The following PCDHGA4 variants were observed in gnomAD, a reference collection of about 807,000 sequenced individuals.
The protein encoded by PCDHGA4 is protocadherin gamma-A4.
PCDHGA4 carries 38 observed loss-of-function variants against 54.6 expected under a neutral mutation model. That is an observed-to-expected ratio of 0.70 (90% CI 0.54 to 0.91). PCDHGA4 has a LOEUF of 0.91. PCDHGA4 is among the 40% of genes least tolerant of loss of function. PCDHGA4 has a pLI of 0.00. For missense variants in PCDHGA4, 1,298 were observed against 1,220.9 expected, an observed-to-expected ratio of 1.06 and a Z score of -0.94; for synonymous variants, 511 against 512.9, an observed-to-expected ratio of 1.00 and a Z score of 0.05.
At chr5:141,398,565 A>C in intron 1 of PCDHGA4, 1 of 1,614,040 alleles carries the variant, frequency 6.2e-7, no homozygotes, top group Non-Finnish European at 8.5e-7. Context: ...GTGAGTCTGC[A>C]CAGCCTGGCA....
chr5:141,434,506 T>C (rs2154556236), intron 1 of PCDHGA4, among the ~76,000 whole-genome samples: 2 of 152,344 alleles, frequency 1.3e-5, no homozygotes, highest in East Asian at 3.9e-4. Context: ...GGCAGAAAAC[T>C]GCTTAAAGGT....
In PCDHGA4 at chr5:141,485,433, A is replaced by G. The variant is rs2099613324; in HGVS notation, c.2515-9374A>G. On this transcript the variant is annotated intron_variant, in intron 1 of 3. Transcript: ENST00000571252. The surrounding 1 kb of genome is among the most constrained non-coding windows in gnomAD (Gnocchi z 5.7). The stretch of plus-strand genomic sequence containing the variant: ...TTGGACAGCGGAGCCCTGCTCATCA[A>G]GAACCCAATCGACCGAGAGGCACTG... 6 of 1,614,208 alleles carry G rather than the reference A, an allele frequency of 3.7e-6. No homozygotes were observed. Among genetic ancestry groups the G allele is most frequent in the Non-Finnish European group, 5.1e-6 (6 of 1,180,030 alleles).
chr5:141,361,411 G>C, intron 1 of PCDHGA4: 2 of 1,613,998 alleles, frequency 1.2e-6, no homozygotes, highest in South Asian at 2.2e-5. Flanking sequence ...CACAGCCACC[G>C]ACGGGGGCAA....
intron 1 of PCDHGA4, among the ~76,000 whole-genome samples, chr5:141,358,630 G>A (rs1355108654): frequency 6.6e-6 from 1 of 152,190 alleles, no homozygotes; most frequent in Non-Finnish European, 1.5e-5. Context: ...GCTAATTTCA[G>A]TCATATATAA....
chr5:141,410,251 C>A (rs2095372140), intron 1 of PCDHGA4: 5 of 1,613,898 alleles, frequency 3.1e-6, no homozygotes, highest in African/African-American at 1.3e-5. Context: ...TACTCTCTGA[C>A]CCCCAGGCTG....
chr5:141,491,895 A>C lies in PCDHGA4; in HGVS notation c.2515-2912A>C. 1.4e-6 allele frequency: 2 copies of C among 1,434,306 alleles called. No individual in the cohort carries two copies. The highest frequency in any genetic ancestry group is 1.8e-6 in the Non-Finnish European group (2 of 1,084,904). 88.8% of individuals were successfully genotyped at this position (1,434,306 alleles called of 1,614,324 possible). Reference sequence around the variant, plus strand: ...CCGATTAAGGGATGGGGCTCCGAGCACCGGGGGTGGTGGCGACTGTGGGCG... The same window carrying C: ...CCGATTAAGGGATGGGGCTCCGAGCCCCGGGGGTGGTGGCGACTGTGGGCG... On this transcript the variant is annotated intron_variant, in intron 1 of 3. Transcript: ENST00000571252. The surrounding 1 kb of genome is among the most constrained non-coding windows in gnomAD (Gnocchi z 6.9).
chr5:141,498,960 G>GGAGA (rs1381042115), intron 2 of PCDHGA4, among the ~76,000 whole-genome samples: 9 of 118,744 alleles, frequency 7.6e-5, no homozygotes, highest in African/African-American at 2.8e-4. Context: ...AGAGAGAGAG[G>GGAGA]GAGGGAGGGA....
chr5:141,499,682 C>T, intron 2 of PCDHGA4, among the ~76,000 whole-genome samples: 1 of 148,196 alleles, frequency 6.7e-6, no homozygotes, highest in South Asian at 2.1e-4. Flanking sequence ...CCATCTTTAA[C>T]AGATGACTTT....
chr5:141,502,955 T>C (rs2099817293), intron 2 of PCDHGA4, among the ~76,000 whole-genome samples: 1 of 149,868 alleles, frequency 6.7e-6, no homozygotes, highest in Non-Finnish European at 1.5e-5. Context: ...GCGATTCTCC[T>C]GCCTCAGCCT....
chr5:141,365,467 T>C (rs761340226), intron 1 of PCDHGA4: 6 of 1,613,974 alleles, frequency 3.7e-6, no homozygotes, highest in Non-Finnish European at 4.2e-6. Flanking sequence ...CTGGAGAAAA[T>C]GGTGAGATTG....
chr5:141,423,624 T>A (rs756883871), intron 1 of PCDHGA4: 9 of 1,607,038 alleles, frequency 5.6e-6, no homozygotes, highest in African/African-American at 1.3e-5. Flanking sequence ...AAGACTCAGC[T>A]ATCATTTTAG....
In PCDHGA4 at chr5:141,486,217, T is replaced by C; in HGVS notation, c.2515-8590T>C. ...TGCTGGACGTAAATGACAATGCCCC[T>C]TACATCACAGTGACCTCAGAGCTTG... On this transcript the variant is annotated intron_variant, in intron 1 of 3. Coordinates refer to ENST00000571252, the MANE Select transcript of PCDHGA4 (RefSeq NM_018917.4). The surrounding 1 kb of genome is among the most constrained non-coding windows in gnomAD (Gnocchi z 5.0). The C allele has an allele frequency of 6.2e-7, 1 of 1,614,120 alleles. No homozygotes were observed.
At chr5:141,359,008 G>C (rs1212259195) in intron 1 of PCDHGA4, among the ~76,000 whole-genome samples, 1 of 152,230 alleles carries the variant, frequency 6.6e-6, no homozygotes, top group Non-Finnish European at 1.5e-5. Flanking sequence ...ACACAAATTA[G>C]TGTAATTTGA....
chr5:141,393,844 G>A (rs1158027980), intron 1 of PCDHGA4: 1 of 1,613,966 alleles, frequency 6.2e-7, no homozygotes, highest in Admixed American at 1.7e-5. Flanking sequence ...AATGACAATA[G>A]ACCAGAAGTG....
At chr5:141,385,287 T>C in intron 1 of PCDHGA4, 1 of 1,613,408 alleles carries the variant, frequency 6.2e-7, no homozygotes, top group Non-Finnish European at 8.5e-7. Flanking sequence ...CATCCGTAGA[T>C]TTTCAGGAAT....
intron 1 of PCDHGA4, chr5:141,421,364 T>C (rs975166167): frequency 3.7e-6 from 6 of 1,613,994 alleles, no homozygotes; most frequent in African/African-American, 1.3e-5. Context: ...GGCTCCTTCG[T>C]GGGCAATATC....
rs1036344847 is a variant in PCDHGA4 at position 141,424,050 on chromosome 5, C to G, written c.2514+66429C>G. 9.9e-6 allele frequency: 10 copies of G among 1,014,084 alleles called. No homozygotes were observed. The African/African-American group carries it at 1.6e-4, about 16-fold the overall frequency. The allele number at this position is 1,014,084 out of a possible 1,614,324, so 62.8% of individuals were successfully genotyped here. A position where few individuals can be genotyped will look rare whatever the true frequency, so the allele number is the denominator to read the frequency against. ...ACTTTTTATTTCCATTTCAATTTTG[C>G]TGTGCCTTCACTGATTTGTAGTTAT... On this transcript the variant is annotated intron_variant, in intron 1 of 3. Coordinates refer to ENST00000571252, the MANE Select transcript of PCDHGA4 (RefSeq NM_018917.4).
rs917165100 is a variant in PCDHGA4, at chr5:141,442,878, C to T, written c.2515-51929C>T. Among the ~76,000 whole-genome samples, 6 of 152,178 alleles carry T rather than the reference C, an allele frequency of 3.9e-5. No homozygotes were observed. In the South Asian group the frequency reaches 8.3e-4, roughly 21 times the overall value. The stretch of plus-strand genomic sequence containing the variant: ...GTATGAGAGATGTAAATTTACAACT[C>T]AGAATCCCTGCTTATCACTTCTCCT... On this transcript the variant is annotated intron_variant, in intron 1 of 3. Coordinates refer to ENST00000571252, the MANE Select transcript of PCDHGA4 (RefSeq NM_018917.4).
At chr5:141,405,385 A>G in intron 1 of PCDHGA4, 1 of 1,600,058 alleles carries the variant, frequency 6.2e-7, no homozygotes, top group Non-Finnish European at 8.5e-7. Flanking sequence ...CGGTGAGTTC[A>G]TTTTTTTTCT....
Sources: allele counts gnomAD v4.1 joint callset (sites outside exome capture counted in the v4.1 genomes callset), GRCh38; gene constraint gnomAD v4.1.1; non-coding constraint Gnocchi (gnomAD v3.1); transcripts MANE v1.5; gene names NCBI Gene and HGNC (gene_info 2026-07-23, HGNC 2026-07-21).